UGT2B15: variants seen among roughly 807,000 people sequenced by gnomAD.
The protein encoded by UGT2B15 is UDP glucuronosyltransferase family 2 member B15, also known as UDP-glucuronosyltransferase 2B15.
In UGT2B15, 36 loss-of-function variants were observed where a neutral mutation model predicts 45.9. The ratio of observed to expected loss-of-function variants is 0.78; its 90% CI spans 0.60 to 1.04. UGT2B15 has a LOEUF of 1.04. Ranked by LOEUF, UGT2B15 falls within the 50% of genes least tolerant of loss-of-function variation. The pLI, the probability that UGT2B15 is intolerant of heterozygous loss-of-function variation, is 0.00. For missense variants in UGT2B15, 617 were observed against 622.4 expected, an observed-to-expected ratio of 0.99 and a Z score of 0.09; for synonymous variants, 219 against 216.4, an observed-to-expected ratio of 1.01 and a Z score of -0.11.
intron 3 of UGT2B15, among the ~76,000 whole-genome samples, chr4:68,660,614 G>A (rs1732934906): frequency 6.6e-6 from 1 of 151,786 alleles, no homozygotes; most frequent in Non-Finnish European, 1.5e-5. Flanking sequence ...GAAAAATTAT[G>A]TTTCAAAAAT....
intron 5 of UGT2B15, among the ~76,000 whole-genome samples, chr4:68,653,743 G>A (rs144587234): frequency 0.01 from 1,531 of 151,908 alleles, 33 homozygotes; most frequent in African/African-American, 0.032. Flanking sequence ...CTCTAGTTAT[G>A]TTCTTTCTTT....
intron 2 of UGT2B15, among the ~76,000 whole-genome samples, chr4:68,666,735 T>C (rs1316428983): frequency 7.9e-6 from 1 of 126,094 alleles, no homozygotes; most frequent in Non-Finnish European, 1.7e-5. Context: ...TCAAATTACA[T>C]ATATATATAT....
chr4:68,655,913 C>A (rs1401484560), intron 3 of UGT2B15, among the ~76,000 whole-genome samples: 1 of 151,974 alleles, frequency 6.6e-6, no homozygotes, highest in Non-Finnish European at 1.5e-5. Context: ...ATTTTGGTAA[C>A]CATGAAGAGA....
intron 3 of UGT2B15, among the ~76,000 whole-genome samples, chr4:68,657,865 TTGTG>T (rs1249144851): frequency 6.6e-6 from 1 of 152,028 alleles, no homozygotes; most frequent in Non-Finnish European, 1.5e-5. Flanking sequence ...ATAGAATCTT[TTGTG>T]TGTGTGTACA....
At chr4:68,666,807 C>T (rs564082724) in intron 2 of UGT2B15, among the ~76,000 whole-genome samples, 3 of 145,900 alleles carry the variant, frequency 2.1e-5, no homozygotes, top group South Asian at 2.1e-4. Context: ...AGTGCAATAG[C>T]GTGATCTCGG....
In UGT2B15 at chr4:68,646,895, T is replaced by A; in HGVS notation, c.*209A>T. 1.3e-5 allele frequency: 10 copies of A among 759,198 alleles called. No homozygotes were observed. Among genetic ancestry groups the A allele is most frequent in the South Asian group, 1.3e-4 (6 of 46,892 alleles). 47.0% of individuals were successfully genotyped at this position (759,198 alleles called of 1,614,324 possible). A position where few individuals can be genotyped will look rare whatever the true frequency, so the allele number is the denominator to read the frequency against. On this transcript the variant is annotated 3_prime_UTR_variant, in exon 6 of 6. Coordinates refer to ENST00000338206, the MANE Select transcript of UGT2B15 (RefSeq NM_001076.4). ...CCAAATGCTATCCTTCCCCCCATTGTATTTTTCATAGCTTAAAAATCATTG... is the reference window on the plus strand; with the variant it reads ...CCAAATGCTATCCTTCCCCCCATTGAATTTTTCATAGCTTAAAAATCATTG...
At chr4:68,656,098 A>T (rs1271899445) in intron 3 of UGT2B15, among the ~76,000 whole-genome samples, 1 of 152,092 alleles carries the variant, frequency 6.6e-6, no homozygotes, top group Non-Finnish European at 1.5e-5. Context: ...ATTTTGCTGT[A>T]CAACTCCTTT....
intron 3 of UGT2B15, among the ~76,000 whole-genome samples, chr4:68,655,414 C>T (rs1732775715): frequency 1.3e-5 from 2 of 151,998 alleles, no homozygotes; most frequent in South Asian, 4.1e-4. Flanking sequence ...AATGACATTT[C>T]TAACATAATA....
At chr4:68,657,725 T>G (rs1732850512) in intron 3 of UGT2B15, among the ~76,000 whole-genome samples, 1 of 152,072 alleles carries the variant, frequency 6.6e-6, no homozygotes, top group Non-Finnish European at 1.5e-5. Flanking sequence ...AAAAAAATTC[T>G]TTTCTTCTTG....
intron 1 of UGT2B15, among the ~76,000 whole-genome samples, chr4:68,668,735 C>T (rs1482605071): frequency 1.3e-4 from 20 of 148,568 alleles, no homozygotes; most frequent in African/African-American, 4.9e-4. Context: ...GCTTGCTTCC[C>T]CTTAGCCTTT....
At chr4:68,660,752 T>G (rs556894990) in intron 3 of UGT2B15, among the ~76,000 whole-genome samples, 1 of 152,110 alleles carries the variant, frequency 6.6e-6, no homozygotes, top group African/African-American at 2.4e-5. Flanking sequence ...TCAGGTTTTT[T>G]TTCCTCCCTT....
rs1578199182 is a variant in UGT2B15, at chr4:68,662,862, A to G, written c.1005+146T>C. 4.6e-6 allele frequency: 4 copies of G among 864,302 alleles called. 1 individual carries two copies. In the East Asian group the frequency reaches 1.6e-4, roughly 34 times the overall value. 53.5% of individuals were successfully genotyped at this position (864,302 alleles called of 1,614,324 possible). A position where few individuals can be genotyped will look rare whatever the true frequency, so the allele number is the denominator to read the frequency against. ...TCTTTATGATTTTAAGATCTTCCAT[A>G]TATGTTTTTGTTTTGAACAGATGTC... On this transcript the variant is annotated intron_variant, in intron 3 of 5. Coordinates refer to ENST00000338206, the MANE Select transcript of UGT2B15 (RefSeq NM_001076.4).
intron 5 of UGT2B15, among the ~76,000 whole-genome samples, chr4:68,652,824 G>C (rs963891744): frequency 1.3e-5 from 2 of 151,584 alleles, no homozygotes; most frequent in African/African-American, 4.8e-5. Context: ...GAATCCATAA[G>C]ATAAATAGAA....
intron 2 of UGT2B15, among the ~76,000 whole-genome samples, chr4:68,666,748 A>ATTT (rs1455065826): frequency 0.037 from 3,057 of 82,256 alleles, 118 homozygotes; most frequent in East Asian, 0.2. Flanking sequence ...ATATATATAT[A>ATTT]TATATTTTTT....
intron 5 of UGT2B15, among the ~76,000 whole-genome samples, chr4:68,648,648 T>A (rs1263957794): frequency 6.6e-6 from 1 of 152,106 alleles, no homozygotes; most frequent in Admixed American, 6.6e-5. Flanking sequence ...TTTAAGATTA[T>A]CTTAAACATT....
At chr4:68,666,135 A>G (rs1733112092) in intron 2 of UGT2B15, among the ~76,000 whole-genome samples, 1 of 151,958 alleles carries the variant, frequency 6.6e-6, no homozygotes, top group South Asian at 2.1e-4. Flanking sequence ...TTTTTTTTTG[A>G]GAATAAGATA....
At chr4:68,661,731 T>C (rs1370455679) in intron 3 of UGT2B15, among the ~76,000 whole-genome samples, 1 of 152,116 alleles carries the variant, frequency 6.6e-6, no homozygotes, top group Non-Finnish European at 1.5e-5. Flanking sequence ...CAGGAAAAAT[T>C]TCAAGTGGCA....
intron 5 of UGT2B15, 100 bp from the exon 6 acceptor site, chr4:68,647,483 G>A: frequency 7.7e-7 from 1 of 1,299,518 alleles, no homozygotes; most frequent in East Asian, 2.4e-5. Flanking sequence ...ACAAATGATT[G>A]AAAGTAAGTG....
rs754067301 is a variant in UGT2B15 at position 68,647,207 on chromosome 4, A to C, written c.1490T>G (p.Phe497Cys). The C allele has an allele frequency of 3.1e-5, 50 of 1,613,846 alleles. No homozygotes were observed. In the Admixed American group the frequency reaches 8.2e-4, roughly 26 times the overall value. The change falls in exon 6 of 6, where the codon TTC becomes TGC. Residue 497 changes from phenylalanine to cysteine, a missense_variant. Physicochemically the swap from Phe to Cys is radical, Grantham distance 205. This residue lies in a region of UGT2B15 where 265 missense variants were observed against 245.1 expected (regional missense o/e 1.08). Coordinates refer to ENST00000338206, the MANE Select transcript of UGT2B15 (RefSeq NM_001076.4). Reference sequence around the variant, plus strand: ...CACAGTTGCCACGCAGGCCAGCAGGAATGCTATCACATCCAAAGAGTGGTA... The same window carrying C: ...CACAGTTGCCACGCAGGCCAGCAGGCATGCTATCACATCCAAAGAGTGGTA... ...IQYHSLDVIAFLLACVATVIF... is the reference protein window; with the variant it reads ...IQYHSLDVIACLLACVATVIF...
Sources: gnomAD v4.1 joint callset for allele counts (sites outside exome capture counted in the v4.1 genomes callset) on GRCh38, gnomAD v4.1.1 for gene constraint, gnomAD v4.1.1 regional missense constraint, MANE v1.5 for transcripts, NCBI Gene and HGNC (gene_info 2026-07-23, HGNC 2026-07-21) for gene names.